Variants in CNTN4 observed in about 807,000 individuals in gnomAD.
CNTN4 encodes the protein contactin 4.
A neutral mutation model predicts 122.5 loss-of-function variants in CNTN4; 77 were observed. The observed-to-expected ratio is 0.63, with a 90% CI of 0.52 to 0.76. CNTN4 has a LOEUF of 0.76. CNTN4 is among the 30% of genes least tolerant of loss of function. The probability of loss-of-function intolerance (pLI) is 0.00; values close to 1 mark genes in which losing one functional copy is unlikely to be tolerated. For missense variants in CNTN4, 1,256 were observed against 1,259.1 expected (o/e 1.00, Z 0.04); for synonymous variants, 512 against 447.0 (o/e 1.15, Z -1.83).
rs185310723 is a variant in CNTN4, at chr3:2,172,318, G to A, written c.-145+71679G>A. Among the ~76,000 whole-genome samples, 10 of 152,182 alleles carry A rather than the reference G, an allele frequency of 6.6e-5. No individual in the cohort carries two copies. In the East Asian group the frequency reaches 1.9e-3, roughly 29 times the overall value. ...ACTCAGAAATGGAAAACCAAACATT[G>A]TATGTTCTCACTTATAAGTGGGAGC... On this transcript the variant is annotated intron_variant, in intron 2 of 24. Coordinates refer to ENST00000418658, the MANE Select transcript of CNTN4 (RefSeq NM_175607.3).
chr3:2,896,134 C>T (rs1272764224), intron 10 of CNTN4, among the ~76,000 whole-genome samples: 1 of 152,098 alleles, frequency 6.6e-6, no homozygotes, highest in East Asian at 1.9e-4. Flanking sequence ...AACAGGCTTC[C>T]AATCCCCAGA....
chr3:2,582,009 C>A (rs143815100), intron 4 of CNTN4, among the ~76,000 whole-genome samples: 2 of 152,120 alleles, frequency 1.3e-5, no homozygotes, highest in South Asian at 2.1e-4. Context: ...GGATAAGGAA[C>A]GACTGCTGTT....
intron 3 of CNTN4, among the ~76,000 whole-genome samples, chr3:2,452,626 T>A (rs2048869689): frequency 6.6e-6 from 1 of 152,152 alleles, no homozygotes. Flanking sequence ...AGTGCTGTAT[T>A]TTTTGCTGAA....
intron 4 of CNTN4, among the ~76,000 whole-genome samples, chr3:2,670,884 T>G (rs1160569152): frequency 6.6e-6 from 1 of 152,246 alleles, no homozygotes; most frequent in African/African-American, 2.4e-5. Context: ...AAATTCTGGT[T>G]TGAAAATTCT....
intron 8 of CNTN4, among the ~76,000 whole-genome samples, chr3:2,872,374 A>G (rs930232954): frequency 1.3e-5 from 2 of 152,164 alleles, no homozygotes; most frequent in Non-Finnish European, 2.9e-5. Flanking sequence ...CAGGGAAATC[A>G]TTTAGCATGA....
At chr3:2,205,303 G>T (rs2038287730) in intron 2 of CNTN4, among the ~76,000 whole-genome samples, 1 of 149,218 alleles carries the variant, frequency 6.7e-6, no homozygotes, top group Non-Finnish European at 1.5e-5. Flanking sequence ...CAGTGATAAT[G>T]CAGGGAAGTA....
chr3:2,906,546 G>C (rs184186173), intron 12 of CNTN4, among the ~76,000 whole-genome samples: 1 of 151,970 alleles, frequency 6.6e-6, no homozygotes, highest in Non-Finnish European at 1.5e-5. Flanking sequence ...ACTTGAAAAA[G>C]AAAGATGGTG....
At chr3:2,185,538 G>T (rs2037212858) in intron 2 of CNTN4, among the ~76,000 whole-genome samples, 1 of 152,220 alleles carries the variant, frequency 6.6e-6, no homozygotes, top group South Asian at 2.1e-4. Flanking sequence ...ATGGGAAGGT[G>T]CCATATCCCC....
At chr3:2,974,923 A>T (rs767263935) in intron 13 of CNTN4, among the ~76,000 whole-genome samples, 8 of 152,206 alleles carry the variant, frequency 5.3e-5, no homozygotes, top group Admixed American at 2.0e-4. Context: ...TGTTTCTGGC[A>T]TGGCCAATAT....
Position 2,647,477 on chromosome 3 carries a change from A to G in CNTN4, c.55+75919A>G, listed in dbSNP as rs1321322676. On this transcript the variant is annotated intron_variant, in intron 4 of 24. Coordinates refer to ENST00000418658, the MANE Select transcript of CNTN4 (RefSeq NM_175607.3). Reference sequence around the variant, plus strand: ...TGGCCCATTTTCTGCAGCTACAGCCATGCTTTCAAAGCTATACTTTTATTT... The same window carrying G: ...TGGCCCATTTTCTGCAGCTACAGCCGTGCTTTCAAAGCTATACTTTTATTT... Among the ~76,000 whole-genome samples the G allele has an allele frequency of 2.0e-5, 3 of 152,320 alleles. No homozygotes were observed. The East Asian group carries it at 5.8e-4, about 29-fold the overall frequency.
chr3:2,403,362 C>T (rs1197790748), intron 3 of CNTN4, among the ~76,000 whole-genome samples: 1 of 152,086 alleles, frequency 6.6e-6, no homozygotes, highest in Non-Finnish European at 1.5e-5. Flanking sequence ...CAGTTCAACA[C>T]ATAACAAGGA....
intron 4 of CNTN4, among the ~76,000 whole-genome samples, chr3:2,682,272 G>C (rs182149667): frequency 6.6e-6 from 1 of 152,152 alleles, no homozygotes; most frequent in African/African-American, 2.4e-5. Context: ...CCCTCAAGGC[G>C]GTTCTGTCAA....
intron 6 of CNTN4, among the ~76,000 whole-genome samples, chr3:2,792,733 G>A (rs1255321544): frequency 1.3e-5 from 2 of 152,182 alleles, no homozygotes; most frequent in East Asian, 1.9e-4. Flanking sequence ...TATAACTTCA[G>A]TATCTTCCCA....
At chr3:3,031,486 G>A (rs1174110258) in intron 16 of CNTN4, among the ~76,000 whole-genome samples, 1 of 152,010 alleles carries the variant, frequency 6.6e-6, no homozygotes, top group African/African-American at 2.4e-5. Context: ...CTGACTGCCT[G>A]GGATGTAGTA....
intron 2 of CNTN4, among the ~76,000 whole-genome samples, chr3:2,297,959 T>C (rs570176070): frequency 1.3e-5 from 2 of 152,300 alleles, no homozygotes; most frequent in South Asian, 4.1e-4. Context: ...GTCGAACTCC[T>C]GAGCTCTAGC....
At chr3:2,916,128 C>G (rs1225578226) in intron 12 of CNTN4, among the ~76,000 whole-genome samples, 1 of 152,162 alleles carries the variant, frequency 6.6e-6, no homozygotes, top group Non-Finnish European at 1.5e-5. Flanking sequence ...ATAGTTAATA[C>G]TACTGTACTG....
At chr3:2,213,927 T>C (rs1386559151) in intron 2 of CNTN4, among the ~76,000 whole-genome samples, 2 of 152,194 alleles carry the variant, frequency 1.3e-5, no homozygotes. Context: ...TGGCATGCTA[T>C]AGCCCTTATT....
At chr3:2,849,458 A>T (rs1016768251) in intron 7 of CNTN4, among the ~76,000 whole-genome samples, 9 of 152,216 alleles carry the variant, frequency 5.9e-5, no homozygotes, top group African/African-American at 2.2e-4. Flanking sequence ...GAAGAAGGGG[A>T]AAACCTTAGG....
At chr3:2,669,775 A>T (rs2084392646) in intron 4 of CNTN4, among the ~76,000 whole-genome samples, 2 of 152,144 alleles carry the variant, frequency 1.3e-5, no homozygotes. Flanking sequence ...TGTGTCCCAG[A>T]GATTCTGGTA....
Sources: allele counts gnomAD v4.1 joint callset (sites outside exome capture counted in the v4.1 genomes callset), GRCh38; gene constraint gnomAD v4.1.1; transcripts MANE v1.5; gene names NCBI Gene and HGNC (gene_info 2026-07-23, HGNC 2026-07-21).